The following ZEB2 variants were observed in gnomAD, a reference collection of about 807,000 sequenced individuals.
The protein encoded by ZEB2 is zinc finger E-box-binding homeobox 2.
In ZEB2, 6 loss-of-function variants were observed where a neutral mutation model predicts 99.9. The observed-to-expected ratio is 0.06, with a 90% CI of 0.03 to 0.12. ZEB2 has a LOEUF of 0.12. Ranked by LOEUF, ZEB2 falls within the 10% of genes least tolerant of loss-of-function variation. The pLI, the probability that ZEB2 is intolerant of heterozygous loss-of-function variation, is 1.00. For synonymous variants in ZEB2, 517 were observed against 542.5 expected, an observed-to-expected ratio of 0.95 and a Z score of 0.65; for missense variants, 969 against 1,502.8, an observed-to-expected ratio of 0.64 and a Z score of 5.87.
At chr2:144,443,102 T>C (rs900964909) in intron 2 of ZEB2, among the ~76,000 whole-genome samples, 2 of 152,026 alleles carry the variant, frequency 1.3e-5, no homozygotes, top group African/African-American at 4.8e-5. Context: ...AGTAGGCTAA[T>C]GACAATAGGG....
At chr2:144,443,171 T>C (rs1023227925) in intron 2 of ZEB2, among the ~76,000 whole-genome samples, 2 of 152,084 alleles carry the variant, frequency 1.3e-5, no homozygotes, top group Non-Finnish European at 2.9e-5. Context: ...AAAAGTATTT[T>C]AAAGAATATA....
intron 2 of ZEB2, chr2:144,512,086 ATGGTACAG>A (rs968148970): frequency 7.8e-7 from 1 of 1,287,096 alleles, no homozygotes; most frequent in African/African-American, 1.5e-5. Flanking sequence ...GCGGGAATGA[ATGGTACAG>A]TGGACACCCC....
chr2:144,498,601 C>T (rs1704823592), intron 2 of ZEB2, among the ~76,000 whole-genome samples: 1 of 152,094 alleles, frequency 6.6e-6, no homozygotes, highest in African/African-American at 2.4e-5. Context: ...CTTTCAGTTT[C>T]CTCCATTTAG....
chr2:144,399,229 T>C lies in ZEB2; in HGVS notation c.1958A>G (p.Lys653Arg), dbSNP rs1387402564. ...KGMTSPINPY[K>R]DHMSVLKAYY... is the part of the protein sequence containing the mutation. ...TGCTTTGAGTACAGACATGTGGTCCTTGTATGGGTTGATGGGGCTTGTCAT... is the reference window on the plus strand; with the variant it reads ...TGCTTTGAGTACAGACATGTGGTCCCTGTATGGGTTGATGGGGCTTGTCAT... The change falls in exon 8 of 10, where the codon AAG becomes AGG. Residue 653 changes from lysine to arginine, a missense_variant. This residue lies in a region of ZEB2 where 346 missense variants were observed against 460.0 expected (regional missense o/e 0.75). Transcript: ENST00000627532. The surrounding 1 kb of genome is among the most constrained non-coding windows in gnomAD (Gnocchi z 5.6). The C allele has an allele frequency of 6.2e-7, 1 of 1,614,132 alleles. No individual in the cohort carries two copies. Among genetic ancestry groups the C allele is most frequent in the Non-Finnish European group, 8.5e-7 (1 of 1,180,020 alleles).
rs1269315660 is a variant in ZEB2, at chr2:144,503,622, T to G, written c.73+13656A>C. The stretch of plus-strand genomic sequence containing the variant: ...AGAGACGGGGAAGGATGACAATTTT[T>G]TTTTTTAAGACATCAAGGAGAAAAA... On this transcript the variant is annotated intron_variant, in intron 2 of 9. Coordinates refer to ENST00000627532, the MANE Select transcript of ZEB2 (RefSeq NM_014795.4). The G allele has an allele frequency of 3.9e-5, 6 of 152,176 alleles. No homozygotes were observed. In the East Asian group the frequency reaches 7.7e-4, roughly 19 times the overall value. The allele number at this position is 152,176 out of a possible 1,614,324, so 9.4% of individuals were successfully genotyped here. A position where few individuals can be genotyped will look rare whatever the true frequency, so the allele number is the denominator to read the frequency against.
intron 3 of ZEB2, chr2:144,427,599 T>A (rs2149890198): frequency 6.6e-6 from 1 of 152,098 alleles, no homozygotes; most frequent in South Asian, 2.1e-4. Flanking sequence ...TATCTCAGAG[T>A]CAGGATAAAC....
At chr2:144,459,245 G>A (rs969878965) in intron 2 of ZEB2, among the ~76,000 whole-genome samples, 1 of 152,234 alleles carries the variant, frequency 6.6e-6, no homozygotes, top group Admixed American at 6.5e-5. Flanking sequence ...TTATATAAAT[G>A]TGTATATCTT....
chr2:144,434,647 T>C (rs1474945246), intron 2 of ZEB2, among the ~76,000 whole-genome samples: 3 of 152,218 alleles, frequency 2.0e-5, no homozygotes, highest in Non-Finnish European at 4.4e-5. Context: ...GGGATTTTCA[T>C]GCCACAAAAA....
At chr2:144,514,914 T>C (rs959254639) in intron 2 of ZEB2, among the ~76,000 whole-genome samples, 8 of 152,244 alleles carry the variant, frequency 5.3e-5, no homozygotes, top group Non-Finnish European at 8.8e-5. Context: ...ATACTTGCAG[T>C]GTCCATGACT....
intron 2 of ZEB2, chr2:144,449,550 G>C (rs1704029090): frequency 6.6e-6 from 1 of 152,236 alleles, no homozygotes; most frequent in Non-Finnish European, 1.5e-5. Context: ...TTGAAAGGTA[G>C]TGGAAAGTGG....
chr2:144,511,832 G>A (rs1705043702), intron 2 of ZEB2: 1 of 1,287,012 alleles, frequency 7.8e-7, no homozygotes. Context: ...TATATTTATT[G>A]GTTTAAATCA....
chr2:144,417,513 T>C (rs962868327), intron 4 of ZEB2, among the ~76,000 whole-genome samples: 3 of 152,240 alleles, frequency 2.0e-5, no homozygotes, highest in Admixed American at 6.5e-5. Context: ...TTTATGTTTC[T>C]GTGCTTGGCT....
At chr2:144,422,597 C>T (rs139062254) in intron 4 of ZEB2, among the ~76,000 whole-genome samples, 4 of 152,122 alleles carry the variant, frequency 2.6e-5, no homozygotes, top group African/African-American at 9.7e-5. Flanking sequence ...GTCATGAGTT[C>T]GAGACCAGCC....
chr2:144,414,536 A>G lies in ZEB2; in HGVS notation c.404-9512T>C, dbSNP rs553485457. On this transcript the variant is annotated intron_variant, in intron 4 of 9. Transcript: ENST00000627532. ...GTGCGGTCCAGTAATTTTTTTGTTC[A>G]TGCTTCCAGTAAAATTTCATTAGAA... 4.9e-4 allele frequency among the ~76,000 whole-genome samples: 75 copies of G among 152,026 alleles called. 1 individual carries two copies. Among genetic ancestry groups the G allele is most frequent in the African/African-American group, 1.6e-3 (68 of 41,454 alleles).
chr2:144,442,554 A>G (rs1168874934), intron 2 of ZEB2, among the ~76,000 whole-genome samples: 1 of 152,188 alleles, frequency 6.6e-6, no homozygotes, highest in Non-Finnish European at 1.5e-5. Context: ...TGCAAAATAA[A>G]TTAATCAATA....
intron 2 of ZEB2, among the ~76,000 whole-genome samples, chr2:144,479,649 C>T (rs990790249): frequency 6.6e-5 from 8 of 121,360 alleles, no homozygotes; most frequent in Non-Finnish European, 1.1e-4. Context: ...GTGTGTTTGC[C>T]ATACTCTTAG....
intron 4 of ZEB2, among the ~76,000 whole-genome samples, chr2:144,408,149 T>C (rs1181096303): frequency 6.6e-6 from 1 of 152,198 alleles, no homozygotes; most frequent in Admixed American, 6.5e-5. Context: ...CATCAAATCA[T>C]GCGCTCTCTT....
intron 2 of ZEB2, among the ~76,000 whole-genome samples, chr2:144,485,289 G>C (rs185867700): frequency 6.6e-6 from 1 of 152,104 alleles, no homozygotes; most frequent in African/African-American, 2.4e-5. Flanking sequence ...AAATATAAAT[G>C]CCAGATTATG....
intron 2 of ZEB2, chr2:144,494,829 C>T (rs1022390239): frequency 6.6e-6 from 1 of 152,146 alleles, no homozygotes; most frequent in African/African-American, 2.4e-5. Flanking sequence ...GGCGGACAAA[C>T]TTGCATTATG....
Sources: gnomAD v4.1 joint callset for allele counts (sites outside exome capture counted in the v4.1 genomes callset) on GRCh38, gnomAD v4.1.1 for gene constraint, gnomAD v4.1.1 regional missense constraint, Gnocchi (gnomAD v3.1) non-coding constraint, MANE v1.5 for transcripts, NCBI Gene and HGNC (gene_info 2026-07-23, HGNC 2026-07-21) for gene names.